Variants in MNAT1 observed in about 807,000 individuals in gnomAD.
MNAT1 encodes the protein CDK-activating kinase assembly factor MAT1.
Under a neutral mutation model 42.0 loss-of-function variants are expected in MNAT1, and 43 were observed. The ratio of observed to expected loss-of-function variants is 1.02; its 90% CI spans 0.80 to 1.32. MNAT1 has a LOEUF of 1.32. Among genes scored for constraint, MNAT1 ranks in the 40% most tolerant of loss-of-function variants. The pLI is 0.00. For missense variants in MNAT1, 306 were observed against 350.4 expected, an observed-to-expected ratio of 0.87 and a Z score of 1.01; for synonymous variants, 118 against 120.0, an observed-to-expected ratio of 0.98 and a Z score of 0.11.
chr14:60,960,019 C>T (rs1013159585), intron 7 of MNAT1, among the ~76,000 whole-genome samples: 3 of 144,742 alleles, frequency 2.1e-5, no homozygotes. Context: ...TGATAGTATT[C>T]CATTGTATCA....
At position 60,784,179 on chromosome 14, in the gene MNAT1, A is replaced by ATTTTTTTTTTTTTT. The variant is rs71114155; in HGVS notation, c.90-12027_90-12014dup. On this transcript the variant is annotated intron_variant, in intron 1 of 7. Coordinates refer to ENST00000261245, the MANE Select transcript of MNAT1 (RefSeq NM_002431.4). ...AGATACGTGCCACCATGCCTGGCTA[A>ATTTTTTTTTTTTTT]TTTTTTTTTTTTTTTTTTTTTTTTA... is the stretch of plus-strand genomic sequence containing the variant. 1.0e-3 allele frequency among the ~76,000 whole-genome samples: 54 copies of ATTTTTTTTTTTTTT among 53,292 alleles called. 10 individuals carry two copies. Among genetic ancestry groups the ATTTTTTTTTTTTTT allele is most frequent in the African/African-American group, 3.7e-3 (48 of 13,100 alleles). 35.0% of individuals were successfully genotyped at this position (53,292 alleles called of 152,430 possible).
At chr14:60,744,886 TG>T (rs1463029579) in intron 1 of MNAT1, among the ~76,000 whole-genome samples, 3 of 152,190 alleles carry the variant, frequency 2.0e-5, no homozygotes, top group Admixed American at 1.3e-4. Context: ...CTCTGGCTGG[TG>T]GGAACTCTAG....
At chr14:60,773,087 G>A (rs965097235) in intron 1 of MNAT1, among the ~76,000 whole-genome samples, 3 of 151,836 alleles carry the variant, frequency 2.0e-5, no homozygotes, top group South Asian at 2.1e-4. Flanking sequence ...ACAGGCACAC[G>A]CCACCACATC....
chr14:60,889,137 G>A (rs545529976), intron 7 of MNAT1, among the ~76,000 whole-genome samples: 3 of 152,214 alleles, frequency 2.0e-5, no homozygotes, highest in African/African-American at 4.8e-5. Flanking sequence ...AGCCCGCATC[G>A]CTGAGTCAAT....
In MNAT1 at chr14:60,968,390, T is replaced by A. The variant is rs777793887; in HGVS notation, c.*41T>A. 4.5e-5 allele frequency: 72 copies of A among 1,592,164 alleles called. No homozygotes were observed. Among genetic ancestry groups the A allele is most frequent in the Non-Finnish European group, 6.0e-5 (70 of 1,172,494 alleles). ...GGACCTTGGAGCTGAACCAGGGAGCTAGCAAAAGTAAAGCAGACTTATAAA... is the reference window on the plus strand; with the variant it reads ...GGACCTTGGAGCTGAACCAGGGAGCAAGCAAAAGTAAAGCAGACTTATAAA... On this transcript the variant is annotated 3_prime_UTR_variant, in exon 8 of 8. Coordinates refer to ENST00000261245, the MANE Select transcript of MNAT1 (RefSeq NM_002431.4).
chr14:60,755,422 G>A (rs996489512), intron 1 of MNAT1, among the ~76,000 whole-genome samples: 1 of 152,106 alleles, frequency 6.6e-6, no homozygotes, highest in Non-Finnish European at 1.5e-5. Flanking sequence ...TATTACAGGC[G>A]TGAGCCACTG....
At chr14:60,772,931 TTATTTATTTA>T (rs1409126900) in intron 1 of MNAT1, among the ~76,000 whole-genome samples, 2 of 150,126 alleles carry the variant, frequency 1.3e-5, no homozygotes, top group African/African-American at 4.9e-5. Flanking sequence ...ATTTATTTAT[TTATTTATTTA>T]TTTATTTATT....
At chr14:60,748,780 CTTT>C (rs940892758) in intron 1 of MNAT1, among the ~76,000 whole-genome samples, 2 of 149,468 alleles carry the variant, frequency 1.3e-5, no homozygotes, top group Non-Finnish European at 3.0e-5. Flanking sequence ...TCACAATGAA[CTTT>C]TTTTTTTATT....
chr14:60,935,325 T>C lies in MNAT1; in HGVS notation c.810-32904T>C, dbSNP rs77016784. ...TACCTACCTAGCCCCCATCCCTCCC[T>C]CCCTCCCTCCTTCCTTTCTTCTTTC... is the stretch of plus-strand genomic sequence containing the variant. On this transcript the variant is annotated intron_variant, in intron 7 of 7. Transcript: ENST00000261245. Among the ~76,000 whole-genome samples the C allele has an allele frequency of 3.4e-3, 309 of 90,330 alleles. 3 individuals carry two copies. The East Asian group carries it at 0.078, about 23-fold the overall frequency. The allele number at this position is 90,330 out of a possible 152,430, so 59.3% of individuals were successfully genotyped here.
intron 2 of MNAT1, 43 bp from the exon 3 acceptor site, chr14:60,798,044 C>A: frequency 1.1e-6 from 1 of 921,160 alleles, no homozygotes; most frequent in Non-Finnish European, 1.7e-6. Flanking sequence ...ATATTAAAAG[C>A]AATGATATGT....
chr14:60,863,775 G>A (rs561651413), intron 6 of MNAT1, among the ~76,000 whole-genome samples: 146 of 152,086 alleles, frequency 9.6e-4, no homozygotes, highest in African/African-American at 3.3e-3. Context: ...TTGCTGTATT[G>A]TTTTTGTAGT....
At chr14:60,742,119 T>C (rs1896488480) in intron 1 of MNAT1, among the ~76,000 whole-genome samples, 1 of 152,110 alleles carries the variant, frequency 6.6e-6, no homozygotes, top group South Asian at 2.1e-4. Flanking sequence ...AGGATCTCAC[T>C]CTATCACCCA....
intron 7 of MNAT1, among the ~76,000 whole-genome samples, chr14:60,887,344 T>A (rs1230843318): frequency 6.6e-6 from 1 of 150,830 alleles, no homozygotes; most frequent in African/African-American, 2.4e-5. Context: ...ACCCATTAAC[T>A]CGTCATTGAG....
chr14:60,850,263 C>A (rs1199334706), intron 6 of MNAT1, among the ~76,000 whole-genome samples: 1 of 152,100 alleles, frequency 6.6e-6, no homozygotes, highest in Non-Finnish European at 1.5e-5. Context: ...TGATGCATGG[C>A]CTTTTATCCT....
At chr14:60,846,729 A>G (rs933307652) in intron 6 of MNAT1, among the ~76,000 whole-genome samples, 4 of 152,254 alleles carry the variant, frequency 2.6e-5, no homozygotes, top group African/African-American at 7.2e-5. Flanking sequence ...TATGATCCCA[A>G]TTTTTAAAAT....
intron 6 of MNAT1, among the ~76,000 whole-genome samples, chr14:60,856,975 G>A (rs899335389): frequency 2.6e-5 from 4 of 152,042 alleles, no homozygotes; most frequent in African/African-American, 7.2e-5. Context: ...CACTGTGCCC[G>A]GCCTCATTTG....
chr14:60,857,735 C>A (rs1249831886), intron 6 of MNAT1, among the ~76,000 whole-genome samples: 3 of 152,082 alleles, frequency 2.0e-5, no homozygotes, highest in Admixed American at 1.3e-4. Context: ...GCCCCCCATC[C>A]CCTGACAGGC....
chr14:60,885,805 C>T (rs955207166), intron 7 of MNAT1, among the ~76,000 whole-genome samples: 7 of 151,774 alleles, frequency 4.6e-5, no homozygotes, highest in Admixed American at 2.0e-4. Flanking sequence ...AGTTTTGTTG[C>T]GTATTTGGTG....
chr14:60,736,501 G>A (rs1896313461), intron 1 of MNAT1, among the ~76,000 whole-genome samples: 1 of 152,172 alleles, frequency 6.6e-6, no homozygotes, highest in African/African-American at 2.4e-5. Flanking sequence ...TAAGATCTAA[G>A]AGTTAAGACT....
Sources: allele counts gnomAD v4.1 joint callset (sites outside exome capture counted in the v4.1 genomes callset), GRCh38; gene constraint gnomAD v4.1.1; transcripts MANE v1.5; gene names NCBI Gene and HGNC (gene_info 2026-07-23, HGNC 2026-07-21).